Variants in XCR1 observed in about 807,000 individuals in gnomAD.
The protein encoded by XCR1 is chemokine XC receptor 1.
For missense variants in XCR1, 356 were observed against 424.2 expected (o/e 0.84, Z 1.41); for synonymous variants, 187 against 188.5 (o/e 0.99, Z 0.06).
Position 46,056,429 on chromosome 3 carries a change from TGGG to T in XCR1, c.-182-2362_-182-2360del, listed in dbSNP as rs542692095. Among the ~76,000 whole-genome samples the T allele has an allele frequency of 1.4e-3, 209 of 152,190 alleles. 1 individual carries two copies. The highest frequency in any genetic ancestry group is 0.01 in the Middle Eastern group (3 of 294). On this transcript the variant is annotated intron_variant, in intron 4 of 5. Transcript: ENST00000683768. ...ACTTTTGGGTGACAAATTTAAAACT[TGGG>T]GGGATGGTACAATTATTCTAGAAAG...
intron 5 of XCR1, among the ~76,000 whole-genome samples, chr3:46,043,108 A>G (rs1697564282): frequency 6.6e-6 from 1 of 152,220 alleles, no homozygotes; most frequent in Non-Finnish European, 1.5e-5. Context: ...AAAGCACTTG[A>G]CAAAATTAAA....
At position 46,033,794 on chromosome 3, in the gene XCR1, A is replaced by C. The variant is rs148129007; in HGVS notation, c.-31-11816T>G. ...CAATATTGAGTCTTCTTATCCTTAAACATGGAATATTGCTCCATTCATTTA... is the reference window on the plus strand; with the variant it reads ...CAATATTGAGTCTTCTTATCCTTAACCATGGAATATTGCTCCATTCATTTA... On this transcript the variant is annotated intron_variant, in intron 5 of 5. Coordinates refer to the XCR1 transcript ENST00000683768. 2.4e-3 allele frequency among the ~76,000 whole-genome samples: 372 copies of C among 152,284 alleles called. 2 individuals carry two copies. The highest frequency in any genetic ancestry group is 8.6e-3 in the African/African-American group (359 of 41,552).
At chr3:46,057,941 CATCT>C (rs1284528515) in intron 4 of XCR1, among the ~76,000 whole-genome samples, 2,059 of 128,988 alleles carry the variant, frequency 0.016, 36 homozygotes, top group African/African-American at 0.051. Flanking sequence ...TCTACGCATC[CATCT>C]ATCTATCTAT....
intron 5 of XCR1, among the ~76,000 whole-genome samples, chr3:46,039,416 A>C (rs1697495433): frequency 1.3e-5 from 2 of 152,242 alleles, no homozygotes; most frequent in African/African-American, 4.8e-5. Context: ...AGACATGTGC[A>C]ATGCGTAACC....
At chr3:46,075,289 C>A (rs538163633) in intron 2 of XCR1, among the ~76,000 whole-genome samples, 46 of 97,826 alleles carry the variant, frequency 4.7e-4, no homozygotes, top group African/African-American at 1.7e-3. Flanking sequence ...AGTGCTAGAG[C>A]AACTAGATGC....
intron 5 of XCR1, among the ~76,000 whole-genome samples, chr3:46,039,112 G>T (rs572755052): frequency 1.3e-5 from 2 of 151,808 alleles, no homozygotes; most frequent in African/African-American, 4.8e-5. Context: ...TGTGGTGAAA[G>T]TTACCTAATC....
rs551972565 is a variant in XCR1, at chr3:46,021,137, T to A, written c.811A>T (p.Ile271Phe). The change falls in exon 2 of 2, where the codon ATC (isoleucine) becomes TTC (phenylalanine). Residue 271 changes from isoleucine (I) to phenylalanine (F), a missense_variant. Transcript: ENST00000309285. This position sits in a 1 kb window ranked among gnomAD's most constrained non-coding sequence, Gnocchi z 4.7. ...TGGGAGAAGGCGAGGTTGCGGCAGATGAGCAGGGCGTATTCTAGCTGCTGT... is the reference window on the plus strand; with the variant it reads ...TGGGAGAAGGCGAGGTTGCGGCAGAAGAGCAGGGCGTATTCTAGCTGCTGT... ...AKQQLEYALL[I>F]CRNLAFSHCC... 1.7e-5 allele frequency: 28 copies of A among 1,614,226 alleles called. No homozygotes were observed. The East Asian group carries it at 5.6e-4, about 32-fold the overall frequency.
chr3:46,060,309 A>C (rs1419501504), intron 4 of XCR1, among the ~76,000 whole-genome samples: 1 of 152,196 alleles, frequency 6.6e-6, no homozygotes, highest in African/African-American at 2.4e-5. Context: ...GGCCATTAGC[A>C]GTTCTTCCTG....
Position 46,059,158 on chromosome 3 carries a change from C to A in XCR1, c.-182-5088G>T, listed in dbSNP as rs143294752. On this transcript the variant is annotated intron_variant, in intron 4 of 5. Coordinates refer to the XCR1 transcript ENST00000683768. ...TTAGCTGAGGAAGTGGCCCATATAC[C>A]TATAGAGCTGATTCTTCCTACACTG... 8.5e-5 allele frequency among the ~76,000 whole-genome samples: 13 copies of A among 152,306 alleles called. No homozygotes were observed. In the East Asian group the frequency reaches 2.3e-3, roughly 27 times the overall value.
chr3:46,071,421 G>A (rs1698162426), intron 3 of XCR1, among the ~76,000 whole-genome samples: 1 of 151,982 alleles, frequency 6.6e-6, no homozygotes, highest in Admixed American at 6.5e-5. Flanking sequence ...TCCTGATACT[G>A]TTCTAAAAAA....
At chr3:46,048,383 G>T (rs1697674405) in intron 5 of XCR1, among the ~76,000 whole-genome samples, 1 of 152,176 alleles carries the variant, frequency 6.6e-6, no homozygotes, top group Non-Finnish European at 1.5e-5. Flanking sequence ...GTTTTTGCCT[G>T]TCCCTGACAC....
At chr3:46,030,584 A>G (rs554146665), upstream of XCR1, among the ~76,000 whole-genome samples, 1 of 152,346 alleles carries the variant, frequency 6.6e-6, no homozygotes, top group Admixed American at 6.5e-5. Context: ...TTGTTTACAC[A>G]TAGTTTTGAG....
At chr3:46,022,250 AGCTGT>A in intron 1 of XCR1, 1 of 295,166 alleles carries the variant, frequency 3.4e-6, no homozygotes, top group Non-Finnish European at 6.3e-6. Flanking sequence ...GACTGCAGAG[AGCTGT>A]GATCATGCCA....
At chr3:46,025,459 C>T (rs1708269132) in intron 1 of XCR1, among the ~76,000 whole-genome samples, 2 of 151,956 alleles carry the variant, frequency 1.3e-5, no homozygotes, top group South Asian at 4.2e-4. Flanking sequence ...ATTGATGAAG[C>T]CTTATCTAGA....
intron 5 of XCR1, among the ~76,000 whole-genome samples, chr3:46,034,216 C>T (rs1697374734): frequency 2.0e-5 from 3 of 152,178 alleles, no homozygotes; most frequent in Admixed American, 2.0e-4. Context: ...AGGTGATCCA[C>T]CCTACTTGGC....
upstream of XCR1, chr3:46,027,661 G>GA (rs1216600793): frequency 1.3e-5 from 2 of 152,134 alleles, no homozygotes; most frequent in East Asian, 1.9e-4. Flanking sequence ...AGAACAGCCT[G>GA]AAAATCAAGC....
At position 46,021,812 on chromosome 3, in the gene XCR1, G is replaced by A. The variant is rs749303859; in HGVS notation, c.136C>T (p.Leu46=). The A allele has an allele frequency of 5.6e-6, 9 of 1,614,112 alleles. No individual in the cohort carries two copies. Among genetic ancestry groups the A allele is most frequent in the Admixed American group, 5.0e-5 (3 of 60,012 alleles). Residue 46 remains leucine, a synonymous_variant, in exon 2 of 2, where the codon CTA becomes TTA. Coordinates refer to ENST00000309285, the MANE Select transcript of XCR1 (RefSeq NM_001024644.2). This position sits in a 1 kb window ranked among gnomAD's most constrained non-coding sequence, Gnocchi z 4.7. ...VLYCLVFLLS[L]VGNSLVLWVL... ...CACAGGACCAGGCTGTTGCCCACTA[G>A]GCTGAGGAGAAACACCAGGCAGTAT...
chr3:46,048,181 G>A (rs557371824), intron 5 of XCR1, among the ~76,000 whole-genome samples: 2 of 152,178 alleles, frequency 1.3e-5, no homozygotes, highest in African/African-American at 4.8e-5. Context: ...ACTGTTCTAT[G>A]TCAGGGGGAG....
chr3:46,024,347 G>A (rs1165136405), intron 1 of XCR1, among the ~76,000 whole-genome samples: 2 of 152,124 alleles, frequency 1.3e-5, no homozygotes, highest in East Asian at 1.9e-4. Flanking sequence ...TGTGAAATGC[G>A]TTGCATATCT....
Sources: gnomAD v4.1 joint callset for allele counts (sites outside exome capture counted in the v4.1 genomes callset) on GRCh38, gnomAD v4.1.1 for gene constraint, Gnocchi (gnomAD v3.1) non-coding constraint, MANE v1.5 for transcripts, NCBI Gene and HGNC (gene_info 2026-07-23, HGNC 2026-07-21) for gene names.